Variants in LYNX1 observed in about 807,000 individuals in gnomAD.
LYNX1 encodes the protein Ly6/neurotoxin 1.
In LYNX1, 8 loss-of-function variants were observed where a neutral mutation model predicts 8.3. That is an observed-to-expected ratio of 0.97 (90% CI 0.57 to 1.74). LYNX1 has a LOEUF of 1.74. LYNX1 is among the 40% of genes most tolerant of loss of function. LYNX1 has a pLI of 0.00. For synonymous variants in LYNX1, 73 were observed against 67.9 expected (o/e 1.08, Z -0.37); for missense variants, 158 against 159.7 (o/e 0.99, Z 0.06).
At chr8:142,775,524 G>C in intron 3 of LYNX1, 69 bp downstream of exon 3, 1 of 1,552,896 alleles carries the variant, frequency 6.4e-7, no homozygotes, top group Admixed American at 1.9e-5. Context: ...ACCCCCGCAT[G>C]CTCAGGGGCA....
In LYNX1 at chr8:142,773,304, C is replaced by T; in HGVS notation, c.*1863G>A. On this transcript the variant is annotated 3_prime_UTR_variant, in exon 4 of 4. Transcript: ENST00000652477. ...GAGGCACCTGGCAGCCTCCCAGACA[C>T]CCCGGGCCGGTCCTGCTCTCCAGGC... The T allele has an allele frequency of 2.0e-6, 2 of 985,448 alleles. No individual in the cohort carries two copies. The highest frequency in any genetic ancestry group is 9.4e-5 in the South Asian group (2 of 21,278). 61.0% of individuals were successfully genotyped at this position (985,448 alleles called of 1,614,324 possible). A position where few individuals can be genotyped will look rare whatever the true frequency, so the allele number is the denominator to read the frequency against.
rs374341804 is a variant in LYNX1 at position 142,775,206 on chromosome 8, C to A, written c.312G>T (p.Leu104=). The change falls in exon 4 of 4, where the codon CTG becomes CTT. Residue 104 remains leucine (L), a synonymous_variant. Transcript: ENST00000652477. The part of the protein sequence containing the change: ...TGLATPATLA[L]APILLATLWG... ...AGAGGGTGGCCAGGAGGATGGGGGC[C>A]AGGGCCAGGGTGGCCGGGGTGGCAA... is the stretch of plus-strand genomic sequence containing the variant. 2 of 1,612,758 alleles carry A rather than the reference C, an allele frequency of 1.2e-6. No homozygotes were observed. Among genetic ancestry groups the A allele is most frequent in the Non-Finnish European group, 1.7e-6 (2 of 1,179,598 alleles).
Position 142,775,941 on chromosome 8 carries a change from G to T in LYNX1, c.17C>A (p.Thr6Asn), listed in dbSNP as rs1206796283. The change falls in exon 2 of 4, where the codon ACC (threonine) becomes AAC (asparagine). Residue 6 changes from threonine (T) to asparagine (N), a missense_variant. Thr to Asn is a moderately conservative substitution (Grantham distance 65). Transcript: ENST00000652477. Reference protein sequence around the residue: MTPLLTLILVVLMGLP... With the variant: MTPLLNLILVVLMGLP... ...GCCCATGAGGACCACCAGGATCAGGGTGAGCAGGGGCGTCATGGCTGCAGG... is the reference window on the plus strand; with the variant it reads ...GCCCATGAGGACCACCAGGATCAGGTTGAGCAGGGGCGTCATGGCTGCAGG... The T allele has an allele frequency of 6.2e-7, 1 of 1,614,022 alleles. No homozygotes were observed. Among genetic ancestry groups the T allele is most frequent in the African/African-American group, 1.3e-5 (1 of 74,938 alleles).
At position 142,774,630 on chromosome 8, in the gene LYNX1, GC is replaced by G; in HGVS notation, c.*536del. 1.0e-6 allele frequency: 1 copy of G among 987,112 alleles called. No homozygotes were observed. The highest frequency in any genetic ancestry group is 1.2e-6 in the Non-Finnish European group (1 of 831,100). 61.1% of individuals were successfully genotyped at this position (987,112 alleles called of 1,614,324 possible). On this transcript the variant is annotated 3_prime_UTR_variant, in exon 4 of 4. Coordinates refer to ENST00000652477, the MANE Select transcript of LYNX1 (RefSeq NM_177477.4). ...GCCTGGCAGACTTCCTAGCACAGGGGCCGGTGCCAAAGGCCCTCCTCCCACA... is the reference window on the plus strand; with the variant it reads ...GCCTGGCAGACTTCCTAGCACAGGGGCGGTGCCAAAGGCCCTCCTCCCACA...
At position 142,774,681 on chromosome 8, in the gene LYNX1, C is replaced by A. The variant is rs1815328469; in HGVS notation, c.*486G>T. 3 of 993,918 alleles carry A rather than the reference C, an allele frequency of 3.0e-6. No homozygotes were observed. The highest frequency in any genetic ancestry group is 3.6e-6 in the Non-Finnish European group (3 of 835,338). The allele number at this position is 993,918 out of a possible 1,614,324, so 61.6% of individuals were successfully genotyped here. Reference sequence around the variant, plus strand: ...AGCCCTGATCCCGTACCGGTCCTGGCAGCTCCTGGCCTCAGTAGGAAGCGT... The same window carrying A: ...AGCCCTGATCCCGTACCGGTCCTGGAAGCTCCTGGCCTCAGTAGGAAGCGT... On this transcript the variant is annotated 3_prime_UTR_variant, in exon 4 of 4. Coordinates refer to ENST00000652477, the MANE Select transcript of LYNX1 (RefSeq NM_177477.4).
At position 142,771,875 on chromosome 8, in the gene LYNX1, G is replaced by C; in HGVS notation, c.*3292C>G. 1 of 985,872 alleles carries C rather than the reference G, an allele frequency of 1.0e-6. No homozygotes were observed. Among genetic ancestry groups the C allele is most frequent in the Non-Finnish European group, 1.2e-6 (1 of 830,004 alleles). 61.1% of individuals were successfully genotyped at this position (985,872 alleles called of 1,614,324 possible). A position where few individuals can be genotyped will look rare whatever the true frequency, so the allele number is the denominator to read the frequency against. On this transcript the variant is annotated 3_prime_UTR_variant, in exon 4 of 4. Coordinates refer to ENST00000652477, the MANE Select transcript of LYNX1 (RefSeq NM_177477.4). Reference sequence around the variant, plus strand: ...GCAGCCCTGCCCCCAAAGACCCCAGGACAGACCAGAGCTCCTGCTGGAGCC... The same window carrying C: ...GCAGCCCTGCCCCCAAAGACCCCAGCACAGACCAGAGCTCCTGCTGGAGCC...
Position 142,773,770 on chromosome 8 carries a change from A to G in LYNX1, c.*1397T>C, listed in dbSNP as rs979277645. 1.0e-6 allele frequency: 1 copy of G among 985,256 alleles called. No homozygotes were observed. Among genetic ancestry groups the G allele is most frequent in the Admixed American group, 6.1e-5 (1 of 16,272 alleles). 61.0% of individuals were successfully genotyped at this position (985,256 alleles called of 1,614,324 possible). On this transcript the variant is annotated 3_prime_UTR_variant, in exon 4 of 4. Coordinates refer to ENST00000652477, the MANE Select transcript of LYNX1 (RefSeq NM_177477.4). ...CAGGGCCATACTTTGGGGCCGGGAC[A>G]ATCCTACCACATGGATATGTCACCA... is the stretch of plus-strand genomic sequence containing the variant.
Position 142,775,372 on chromosome 8 carries a change from G to A in LYNX1, c.155-9C>T, listed in dbSNP as rs1815369157. On this transcript the variant is annotated splice_polypyrimidine_tract_variant and intron_variant, in intron 3 of 3. Coordinates refer to ENST00000652477, the MANE Select transcript of LYNX1 (RefSeq NM_177477.4). ...CCTGGTGGGGGTGTAGTCTGCAGAG[G>A]GGCGGGGCGGTGAGCCAGCTCCGCT... The A allele has an allele frequency of 1.2e-6, 2 of 1,611,464 alleles. No individual in the cohort carries two copies. The highest frequency in any genetic ancestry group is 2.7e-5 in the African/African-American group (2 of 74,878).
At chr8:142,775,785 T>C in intron 2 of LYNX1, 91 bp from the exon 3 acceptor site, 1 of 1,535,440 alleles carries the variant, frequency 6.5e-7, no homozygotes, top group South Asian at 1.2e-5. Context: ...CCCGTCACCT[T>C]CCCCGGGGCA....
chr8:142,775,616 G>A lies in LYNX1; in HGVS notation c.131C>T (p.Ala44Val), dbSNP rs764408110. ...ACAGGTGCGCGTGGTCATGCAGTAG[G>A]CAACCATAGCCGGGCAGCGCATGGG... Reference protein sequence around the residue: ...FNPMRCPAMVAYCMTTRTYYT... With the variant: ...FNPMRCPAMVVYCMTTRTYYT... Residue 44 changes from alanine to valine, a missense_variant, in exon 3 of 4, where the codon GCC becomes GTC. Ala to Val is a moderately conservative substitution (Grantham distance 64). Transcript: ENST00000652477. 2 of 1,599,254 alleles carry A rather than the reference G, an allele frequency of 1.3e-6. No homozygotes were observed. Among genetic ancestry groups the A allele is most frequent in the East Asian group, 2.3e-5 (1 of 44,226 alleles).
chr8:142,773,509 C>T lies in LYNX1; in HGVS notation c.*1658G>A. The T allele has an allele frequency of 1.0e-6, 1 of 985,562 alleles. No homozygotes were observed. Among genetic ancestry groups the T allele is most frequent in the Non-Finnish European group, 1.2e-6 (1 of 830,032 alleles). 61.1% of individuals were successfully genotyped at this position (985,562 alleles called of 1,614,324 possible). Reference sequence around the variant, plus strand: ...AAGGTCCCTTTGCAGAAGACTGGCACTGTCCTCCTCCAGCGGGAACTGGGT... The same window carrying T: ...AAGGTCCCTTTGCAGAAGACTGGCATTGTCCTCCTCCAGCGGGAACTGGGT... On this transcript the variant is annotated 3_prime_UTR_variant, in exon 4 of 4. Coordinates refer to ENST00000652477, the MANE Select transcript of LYNX1 (RefSeq NM_177477.4).
Position 142,771,777 on chromosome 8 carries a change from T to C in LYNX1, c.*3390A>G, listed in dbSNP as rs1815188581. 8.1e-6 allele frequency: 8 copies of C among 985,080 alleles called. No individual in the cohort carries two copies. The South Asian group carries it at 2.4e-4, about 29-fold the overall frequency. The allele number at this position is 985,080 out of a possible 1,614,324, so 61.0% of individuals were successfully genotyped here. A position where few individuals can be genotyped will look rare whatever the true frequency, so the allele number is the denominator to read the frequency against. ...AGATGACGAATCAGATGCTACATAG[T>C]GGGGGAGGCGGCAGCTGGCCTGGCT... is the stretch of plus-strand genomic sequence containing the variant. On this transcript the variant is annotated 3_prime_UTR_variant, in exon 4 of 4. Transcript: ENST00000652477.
In LYNX1 at chr8:142,775,680, A is replaced by AGTCC; in HGVS notation, c.63_66dup (p.Cys23GlyfsTer41). 6.3e-7 allele frequency: 1 copy of AGTCC among 1,599,150 alleles called. No homozygotes were observed. Among genetic ancestry groups the AGTCC allele is most frequent in the Non-Finnish European group, 8.5e-7 (1 of 1,172,910 alleles). ...TCTCCGTTGTAGGCACACACGTGGCAGTCCAAGGCCTGGGCTGGGGTTGGC... is the reference window on the plus strand; with the variant it reads ...TCTCCGTTGTAGGCACACACGTGGCAGTCCGTCCAAGGCCTGGGCTGGGGTTGGC... On this transcript the variant is annotated frameshift_variant, in exon 3 of 4. Transcript: ENST00000652477. LOFTEE classifies it high-confidence loss of function.
intron 1 of LYNX1, 138 bp from the exon 2 acceptor site, chr8:142,776,259 T>C (rs1179178213): frequency 4.1e-6 from 2 of 482,732 alleles, no homozygotes; most frequent in Non-Finnish European, 7.6e-6. Flanking sequence ...GAGGAGACAC[T>C]TGGGATGGGA....
chr8:142,772,444 CCCCTT>C lies in LYNX1; in HGVS notation c.*2718_*2722del. 7 of 985,534 alleles carry C rather than the reference CCCCTT, an allele frequency of 7.1e-6. No individual in the cohort carries two copies. Among genetic ancestry groups the C allele is most frequent in the Non-Finnish European group, 8.4e-6 (7 of 829,978 alleles). The allele number at this position is 985,534 out of a possible 1,614,324, so 61.0% of individuals were successfully genotyped here. ...GCTTTCCATTTTGTAAACTCACCTCCCCCTTCCCAGGCTTGGGGGTCCAAGGAACC... is the reference window on the plus strand; with the variant it reads ...GCTTTCCATTTTGTAAACTCACCTCCCCCAGGCTTGGGGGTCCAAGGAACC... On this transcript the variant is annotated 3_prime_UTR_variant, in exon 4 of 4. Transcript: ENST00000652477.
Position 142,774,784 on chromosome 8 carries a change from C to A in LYNX1, c.*383G>T. On this transcript the variant is annotated 3_prime_UTR_variant, in exon 4 of 4. Transcript: ENST00000652477. Reference sequence around the variant, plus strand: ...GCGGGCATTCCTTGTCTTCCCCCTGCCCCAGCACACCAGGGGCAGACTGAG... The same window carrying A: ...GCGGGCATTCCTTGTCTTCCCCCTGACCCAGCACACCAGGGGCAGACTGAG... 1 of 1,079,224 alleles carries A rather than the reference C, an allele frequency of 9.3e-7. No individual in the cohort carries two copies. The highest frequency in any genetic ancestry group is 1.1e-6 in the Non-Finnish European group (1 of 889,068). The allele number at this position is 1,079,224 out of a possible 1,614,324, so 66.9% of individuals were successfully genotyped here. A position where few individuals can be genotyped will look rare whatever the true frequency, so the allele number is the denominator to read the frequency against.
chr8:142,775,042 C>T lies in LYNX1; in HGVS notation c.*125G>A, dbSNP rs1408587566. ...GGTCGGGTGTCTTCTTGCCCACAGT[C>T]CTGACCCTGGGCATGGCTGAGGAGG... On this transcript the variant is annotated 3_prime_UTR_variant, in exon 4 of 4. Transcript: ENST00000652477. 1 of 1,474,032 alleles carries T rather than the reference C, an allele frequency of 6.8e-7. No individual in the cohort carries two copies. The highest frequency in any genetic ancestry group is 2.5e-5 in the East Asian group (1 of 40,580). 91.3% of individuals were successfully genotyped at this position (1,474,032 alleles called of 1,614,324 possible).
chr8:142,775,778 G>A (rs1351491542), intron 2 of LYNX1, 84 bp from the exon 3 acceptor site: 83 of 1,532,936 alleles, frequency 5.4e-5, no homozygotes, highest in Middle Eastern at 5.0e-4. Flanking sequence ...CCCCCAGCCC[G>A]TCACCTTCCC....
chr8:142,777,330 C>G (rs975581201), upstream of LYNX1: 1 of 168,998 alleles, frequency 5.9e-6, no homozygotes, highest in African/African-American at 2.4e-5. Context: ...CCCGGCCCCA[C>G]CTCCTGAGCA....
Sources: allele counts gnomAD v4.1 joint callset, GRCh38; gene constraint gnomAD v4.1.1; transcripts MANE v1.5; gene names NCBI Gene and HGNC (gene_info 2026-07-23, HGNC 2026-07-21).